NAALADL2: variants seen among roughly 807,000 people sequenced by gnomAD.
NAALADL2 encodes the protein N-acetylated alpha-linked acidic dipeptidase like 2, also known as inactive N-acetylated-alpha-linked acidic dipeptidase-like protein 2.
Under a neutral mutation model 87.2 loss-of-function variants are expected in NAALADL2, and 76 were observed. That is an observed-to-expected ratio of 0.87 (90% confidence interval 0.72 to 1.05). NAALADL2 has a LOEUF of 1.05. Ranked by LOEUF, NAALADL2 falls within the 50% of genes least tolerant of loss-of-function variation. The probability of loss-of-function intolerance (pLI) is 0.00; values close to 1 mark genes in which losing one functional copy is unlikely to be tolerated. For missense variants in NAALADL2, 1,089 were observed against 945.8 expected (o/e 1.15, Z -1.99); for synonymous variants, 354 against 331.0 (o/e 1.07, Z -0.75).
chr3:174,768,589 T>A (rs1189284906), intron 3 of NAALADL2, among the ~76,000 whole-genome samples: 1 of 152,198 alleles, frequency 6.6e-6, no homozygotes, highest in African/African-American at 2.4e-5. Flanking sequence ...TTAGTAGTTT[T>A]AAAAAATAAT....
chr3:175,304,810 A>T (rs1263131680), intron 4 of NAALADL2, among the ~76,000 whole-genome samples: 1 of 151,972 alleles, frequency 6.6e-6, no homozygotes, highest in Non-Finnish European at 1.5e-5. Context: ...TACTTTTCAG[A>T]CTCATAAATT....
chr3:174,476,341 C>T (rs1273962315), intron 1 of NAALADL2, among the ~76,000 whole-genome samples: 1 of 149,834 alleles, frequency 6.7e-6, no homozygotes, highest in Non-Finnish European at 1.5e-5. Context: ...TATCAAAGAA[C>T]TTTATAGATC....
intron 3 of NAALADL2, among the ~76,000 whole-genome samples, chr3:174,839,787 C>T (rs185848597): frequency 6.6e-6 from 1 of 151,792 alleles, no homozygotes; most frequent in Non-Finnish European, 1.5e-5. Flanking sequence ...AAATCAGAAC[C>T]ACAGTGTGAT....
At chr3:175,408,651 T>C (rs988213791) in intron 5 of NAALADL2, among the ~76,000 whole-genome samples, 1 of 152,036 alleles carries the variant, frequency 6.6e-6, no homozygotes, top group Non-Finnish European at 1.5e-5. Flanking sequence ...TGAATAATCA[T>C]AAAGACTGTG....
rs563431871 is a variant in NAALADL2 at position 175,101,986 on chromosome 3, T to C, written c.545+4695T>C. The stretch of plus-strand genomic sequence containing the variant: ...TTTAGAAATCCTTGTTATTTCCTTC[T>C]ATCATTCCCTATCAATCAGAAAATT... On this transcript the variant is annotated intron_variant, in intron 2 of 13. Transcript: ENST00000454872. 7.2e-5 allele frequency among the ~76,000 whole-genome samples: 11 copies of C among 152,342 alleles called. No individual in the cohort carries two copies. In the South Asian group the frequency reaches 2.3e-3, roughly 32 times the overall value.
intron 1 of NAALADL2, among the ~76,000 whole-genome samples, chr3:175,090,048 G>T (rs1719790055): frequency 6.6e-6 from 1 of 152,038 alleles, no homozygotes; most frequent in Non-Finnish European, 1.5e-5. Flanking sequence ...TCTGAAGGTA[G>T]AAAGTATGTA....
intron 1 of NAALADL2, among the ~76,000 whole-genome samples, chr3:175,011,451 G>T (rs185145722): frequency 6.6e-6 from 1 of 152,004 alleles, no homozygotes; most frequent in African/African-American, 2.4e-5. Flanking sequence ...CTTTTCTATC[G>T]TCTACAGACA....
At chr3:174,966,730 C>T (rs1414334061) in intron 1 of NAALADL2, among the ~76,000 whole-genome samples, 1 of 152,096 alleles carries the variant, frequency 6.6e-6, no homozygotes, top group Non-Finnish European at 1.5e-5. Context: ...CAGTAGGCAA[C>T]TGGAATGTTT....
chr3:175,019,705 G>A (rs1314015458), intron 1 of NAALADL2, among the ~76,000 whole-genome samples: 5 of 151,954 alleles, frequency 3.3e-5, no homozygotes, highest in African/African-American at 7.2e-5. Flanking sequence ...CAGTTGCTGA[G>A]CCTAACTACA....
rs58824117 is a variant in NAALADL2, at chr3:175,138,887, A to AATATATATATAT, written c.545+41623_545+41634dup. On this transcript the variant is annotated intron_variant, in intron 2 of 13. Transcript: ENST00000454872. ...CAGAAAAAAAATTTCAGCCTTTTAA[A>AATATATATATAT]ATATATATATATATATATATATATA... Among the ~76,000 whole-genome samples the AATATATATATAT allele has an allele frequency of 3.6e-3, 339 of 95,320 alleles. 5 individuals carry two copies. The highest frequency in any genetic ancestry group is 6.1e-3 in the African/African-American group (112 of 18,320). 62.5% of individuals were successfully genotyped at this position (95,320 alleles called of 152,430 possible).
chr3:174,739,815 C>G (rs1056638693), intron 3 of NAALADL2, among the ~76,000 whole-genome samples: 11 of 151,988 alleles, frequency 7.2e-5, no homozygotes, highest in African/African-American at 2.7e-4. Context: ...GTGGTTACAT[C>G]TATTTCTTGA....
rs941636727 is a variant in NAALADL2, at chr3:174,530,589, C to T, written c.-183-19980C>T. ...AAAGAGGTTTATTGGACTTACAGTT[C>T]CACCTGGCTGGGGAGGCCTCACAAT... is the stretch of plus-strand genomic sequence containing the variant. On this transcript the variant is annotated intron_variant, in intron 1 of 3. Coordinates refer to the NAALADL2 transcript ENST00000434257. 1.5e-4 allele frequency among the ~76,000 whole-genome samples: 23 copies of T among 152,178 alleles called. 1 individual carries two copies. Among genetic ancestry groups the T allele is most frequent in the Admixed American group, 3.3e-4 (5 of 15,266 alleles).
At chr3:175,198,518 C>A (rs1014207854) in intron 2 of NAALADL2, among the ~76,000 whole-genome samples, 1 of 151,976 alleles carries the variant, frequency 6.6e-6, no homozygotes, top group Admixed American at 6.6e-5. Context: ...TATACCTGCA[C>A]ACTTCTAGGA....
chr3:175,704,574 A>G (rs1425939724), intron 11 of NAALADL2, among the ~76,000 whole-genome samples: 9 of 152,100 alleles, frequency 5.9e-5, no homozygotes, highest in Non-Finnish European at 8.8e-5. Flanking sequence ...TTACTTGGTC[A>G]TGCCTCTTTG....
At chr3:175,445,319 T>A (rs115393317) in intron 5 of NAALADL2, among the ~76,000 whole-genome samples, 1,825 of 152,288 alleles carry the variant, frequency 0.012, 35 homozygotes, top group African/African-American at 0.041. Context: ...AAGTTATAGA[T>A]GCATTTAGTT....
At chr3:175,222,429 T>A (rs1335041942) in intron 2 of NAALADL2, among the ~76,000 whole-genome samples, 9 of 152,170 alleles carry the variant, frequency 5.9e-5, no homozygotes, top group Non-Finnish European at 1.3e-4. Flanking sequence ...AGGTTCAACA[T>A]CTCTAGTATT....
rs1218537076 is a variant in NAALADL2, at chr3:174,776,954, A to C, written c.-9+39208A>C. Reference sequence around the variant, plus strand: ...TCTTCCCTTAAATTCTTTTGGGGTAAAATCAATGGCAACAGCATTGGGAAG... The same window carrying C: ...TCTTCCCTTAAATTCTTTTGGGGTACAATCAATGGCAACAGCATTGGGAAG... On this transcript the variant is annotated intron_variant, in intron 3 of 3. Coordinates refer to the NAALADL2 transcript ENST00000434257. Among the ~76,000 whole-genome samples, 3 of 152,154 alleles carry C rather than the reference A, an allele frequency of 2.0e-5. No homozygotes were observed. In the South Asian group the frequency reaches 6.2e-4, roughly 31 times the overall value.
intron 1 of NAALADL2, among the ~76,000 whole-genome samples, chr3:174,469,147 GCTATCCTTCATAGGATAT>G (rs2108306553): frequency 6.6e-6 from 1 of 152,258 alleles, no homozygotes; most frequent in African/African-American, 2.4e-5. Context: ...TGTTCTTTTG[GCTATCCTTCATAGGATAT>G]AATTTCCTTT....
chr3:175,424,759 T>C (rs984926956), intron 5 of NAALADL2, among the ~76,000 whole-genome samples: 21 of 152,254 alleles, frequency 1.4e-4, no homozygotes, highest in Non-Finnish European at 1.5e-5. Flanking sequence ...ATTTTTCTTA[T>C]TTTTAATTTT....
Sources: allele counts gnomAD v4.1 joint callset (sites outside exome capture counted in the v4.1 genomes callset), GRCh38; gene constraint gnomAD v4.1.1; transcripts MANE v1.5; gene names NCBI Gene and HGNC (gene_info 2026-07-23, HGNC 2026-07-21).